Variants in LPAR3 observed in about 807,000 individuals in gnomAD.
The protein encoded by LPAR3 is lysophosphatidic acid receptor 3, also known as LPA receptor 3.
Under a neutral mutation model 17.8 loss-of-function variants are expected in LPAR3, and 7 were observed. That is an observed-to-expected ratio of 0.39 (90% CI 0.22 to 0.74). LPAR3 has a LOEUF of 0.74. Ranked by LOEUF, LPAR3 falls within the 30% of genes least tolerant of loss-of-function variation. LPAR3 has a pLI of 0.40. For synonymous variants in LPAR3, 179 were observed against 179.9 expected (o/e 0.99, Z 0.04); for missense variants, 391 against 453.4 (o/e 0.86, Z 1.25).
intron 2 of LPAR3, among the ~76,000 whole-genome samples, chr1:84,849,419 G>A (rs904028691): frequency 6.7e-6 from 1 of 150,078 alleles, no homozygotes; most frequent in African/African-American, 2.4e-5. Flanking sequence ...CCTGAACTTT[G>A]GTCTGGGGCC....
At chr1:84,860,729 ATTTAATTT>A (rs1420408895) in intron 2 of LPAR3, among the ~76,000 whole-genome samples, 12 of 142,336 alleles carry the variant, frequency 8.4e-5, no homozygotes, top group Non-Finnish European at 1.5e-4. Flanking sequence ...AAACTTTAGG[ATTTAATTT>A]TTTTTTTTTT....
chr1:84,878,868 C>T (rs1399747500), intron 1 of LPAR3, among the ~76,000 whole-genome samples: 1 of 152,182 alleles, frequency 6.6e-6, no homozygotes, highest in South Asian at 2.1e-4. Context: ...TTTCCTTGGG[C>T]TCAGGGTAGA....
chr1:84,827,090 G>C (rs1301586064), intron 2 of LPAR3, among the ~76,000 whole-genome samples: 1 of 152,188 alleles, frequency 6.6e-6, no homozygotes, highest in Non-Finnish European at 1.5e-5. Context: ...TTTTGTATGA[G>C]GGAGTCATTC....
chr1:84,839,142 G>A (rs1190913519), intron 2 of LPAR3, among the ~76,000 whole-genome samples: 1 of 152,110 alleles, frequency 6.6e-6, no homozygotes, highest in African/African-American at 2.4e-5. Context: ...TTAAGAAACT[G>A]GCACCATTTA....
Position 84,865,900 on chromosome 1 carries a change from G to A in LPAR3, c.221C>T (p.Ala74Val). 5.0e-6 allele frequency: 8 copies of A among 1,614,136 alleles called. No homozygotes were observed. Among genetic ancestry groups the A allele is most frequent in the Non-Finnish European group, 6.8e-6 (8 of 1,180,026 alleles). The change falls in exon 2 of 3, where the codon GCT becomes GTT. Residue 74 changes from alanine to valine, a missense_variant. Physicochemically the swap from Ala to Val is moderately conservative, Grantham distance 64 (BLOSUM62 0). Transcript: ENST00000370611. The stretch of plus-strand genomic sequence containing the variant: ...GGCAATTCCAGCGAAGAAATCGGCA[G>A]CAGCTAAATTAGCCAACAGGTAGTA... ...PFYYLLANLA[A>V]ADFFAGIAYV...
intron 2 of LPAR3, among the ~76,000 whole-genome samples, chr1:84,824,414 T>C (rs1049232635): frequency 6.6e-6 from 1 of 152,188 alleles, no homozygotes; most frequent in African/African-American, 2.4e-5. Context: ...CTAGAATCTC[T>C]TGCAGCACAA....
chr1:84,819,259 A>C (rs1291537043), intron 2 of LPAR3, among the ~76,000 whole-genome samples: 1 of 152,228 alleles, frequency 6.6e-6, no homozygotes, highest in Non-Finnish European at 1.5e-5. Flanking sequence ...TGAGAATAGC[A>C]GAGAGAATAA....
Position 84,813,594 on chromosome 1 carries a change from G to T in LPAR3, c.*252C>A. The T allele has an allele frequency of 2.3e-6, 1 of 427,278 alleles. No individual in the cohort carries two copies. The highest frequency in any genetic ancestry group is 4.2e-6 in the Non-Finnish European group (1 of 237,284). 26.5% of individuals were successfully genotyped at this position (427,278 alleles called of 1,614,324 possible). A position where few individuals can be genotyped will look rare whatever the true frequency, so the allele number is the denominator to read the frequency against. On this transcript the variant is annotated 3_prime_UTR_variant, in exon 3 of 3. Transcript: ENST00000370611. ...AGAAGGCCCAGCTGGACTGACAGGAGCTCTGAGCAGTTCATAGGACAAGCA... is the reference window on the plus strand; with the variant it reads ...AGAAGGCCCAGCTGGACTGACAGGATCTCTGAGCAGTTCATAGGACAAGCA...
Position 84,811,710 on chromosome 1 carries a change from C to T in LPAR3, c.*2136G>A, listed in dbSNP as rs990280946. 3 of 152,182 alleles carry T rather than the reference C, an allele frequency of 2.0e-5. 1 individual carries two copies. The highest frequency in any genetic ancestry group is 1.3e-4 in the Admixed American group (2 of 15,264). The allele number at this position is 152,182 out of a possible 1,614,324, so 9.4% of individuals were successfully genotyped here. A position where few individuals can be genotyped will look rare whatever the true frequency, so the allele number is the denominator to read the frequency against. On this transcript the variant is annotated 3_prime_UTR_variant, in exon 3 of 3. Coordinates refer to ENST00000370611, the MANE Select transcript of LPAR3 (RefSeq NM_012152.3). ...CTACACTTTCAAATCATAATATTCT[C>T]TATTTTAGGCTATTATATTTAGAAG...
Position 84,825,235 on chromosome 1 carries a change from C to T in LPAR3, c.737-11064G>A, listed in dbSNP as rs569826015. ...TCTGCATTGTGCAATGTGAGAGAATCTCGTGGTAAAATTTAAGACGCATGT... is the reference window on the plus strand; with the variant it reads ...TCTGCATTGTGCAATGTGAGAGAATTTCGTGGTAAAATTTAAGACGCATGT... On this transcript the variant is annotated intron_variant, in intron 2 of 2. Transcript: ENST00000370611. Among the ~76,000 whole-genome samples, 27 of 152,274 alleles carry T rather than the reference C, an allele frequency of 1.8e-4. 1 individual carries two copies. The South Asian group carries it at 3.9e-3, about 22-fold the overall frequency.
intron 2 of LPAR3, among the ~76,000 whole-genome samples, chr1:84,817,486 T>C (rs750125832): frequency 6.6e-6 from 1 of 152,080 alleles, no homozygotes; most frequent in Non-Finnish European, 1.5e-5. Flanking sequence ...TTCTGAGATG[T>C]GTTTGGAGAG....
At position 84,857,631 on chromosome 1, in the gene LPAR3, A is replaced by G. The variant is rs80149316; in HGVS notation, c.736+7754T>C. On this transcript the variant is annotated intron_variant, in intron 2 of 2. Coordinates refer to ENST00000370611, the MANE Select transcript of LPAR3 (RefSeq NM_012152.3). ...GAGCTAAATGTTGAAAGAGCATGTG[A>G]CTTTACAGAAATGAACTTTATAGAA... Among the ~76,000 whole-genome samples the G allele has an allele frequency of 3.2e-3, 491 of 152,344 alleles. 5 individuals carry two copies. Among genetic ancestry groups the G allele is most frequent in the South Asian group, 0.031 (150 of 4,828 alleles).
chr1:84,879,512 C>T lies in LPAR3; in HGVS notation c.-18-13374G>A, dbSNP rs1035421716. 8.6e-5 allele frequency among the ~76,000 whole-genome samples: 13 copies of T among 152,038 alleles called. No homozygotes were observed. The East Asian group carries it at 2.3e-3, about 27-fold the overall frequency. On this transcript the variant is annotated intron_variant, in intron 1 of 2. Coordinates refer to ENST00000370611, the MANE Select transcript of LPAR3 (RefSeq NM_012152.3). ...ATTTTTGGTAGAGACAGGGTTTCAC[C>T]GTGTTAGCCAGGATGGTCTTAATCT...
chr1:84,822,457 A>G (rs951467590), intron 2 of LPAR3, among the ~76,000 whole-genome samples: 10 of 152,200 alleles, frequency 6.6e-5, no homozygotes, highest in African/African-American at 2.4e-4. Flanking sequence ...CAAATTAAGG[A>G]ATGTCTAACA....
intron 2 of LPAR3, among the ~76,000 whole-genome samples, chr1:84,839,271 A>G (rs796467549): frequency 7.2e-5 from 11 of 152,322 alleles, no homozygotes; most frequent in African/African-American, 2.6e-4. Flanking sequence ...TGTTTTCATA[A>G]TGATCTGTTT....
rs1448214400 is a variant in LPAR3 at position 84,865,408 on chromosome 1, A to G, written c.713T>C (p.Met238Thr). ...ISRRRTPMKL[M>T]KTVMTVLGAF... Reference sequence around the variant, plus strand: ...ACCTAAGACAGTCATCACCGTCTTCATTAGCTTCATGGGTGTCCTCCGGCG... The same window carrying G: ...ACCTAAGACAGTCATCACCGTCTTCGTTAGCTTCATGGGTGTCCTCCGGCG... The change falls in exon 2 of 3, where the codon ATG becomes ACG. Residue 238 changes from methionine (M) to threonine (T), a missense_variant. Physicochemically the swap from Met to Thr is moderately conservative, Grantham distance 81 (BLOSUM62 -1). Coordinates refer to ENST00000370611, the MANE Select transcript of LPAR3 (RefSeq NM_012152.3). 6.2e-7 allele frequency: 1 copy of G among 1,613,500 alleles called. No homozygotes were observed. The highest frequency in any genetic ancestry group is 8.5e-7 in the Non-Finnish European group (1 of 1,179,688).
intron 1 of LPAR3, among the ~76,000 whole-genome samples, chr1:84,888,560 T>C (rs1212778981): frequency 1.3e-5 from 2 of 152,226 alleles, no homozygotes; most frequent in Non-Finnish European, 2.9e-5. Context: ...TCTGAGTCTG[T>C]CTGGGGGCAG....
At chr1:84,856,343 C>T (rs909234314) in intron 2 of LPAR3, among the ~76,000 whole-genome samples, 1 of 152,192 alleles carries the variant, frequency 6.6e-6, no homozygotes, top group African/African-American at 2.4e-5. Context: ...CCCCTGTGTG[C>T]CAACAATCTG....
At chr1:84,819,166 T>A (rs1659001503) in intron 2 of LPAR3, among the ~76,000 whole-genome samples, 1 of 152,256 alleles carries the variant, frequency 6.6e-6, no homozygotes, top group Non-Finnish European at 1.5e-5. Context: ...TAGAAAGGAC[T>A]CTTCACATCA....
Sources: gnomAD v4.1 joint callset for allele counts (sites outside exome capture counted in the v4.1 genomes callset) on GRCh38, gnomAD v4.1.1 for gene constraint, MANE v1.5 for transcripts, NCBI Gene and HGNC (gene_info 2026-07-23, HGNC 2026-07-21) for gene names.